The following CTIF variants were observed in gnomAD, a reference collection of about 807,000 sequenced individuals.
The protein encoded by CTIF is cap binding complex dependent translation initiation factor, also known as CBP80/20-dependent translation initiation factor.
Under a neutral mutation model 66.0 loss-of-function variants are expected in CTIF, and 21 were observed. The ratio of observed to expected loss-of-function variants is 0.32; its 90% CI spans 0.23 to 0.46. The LOEUF is 0.46. CTIF is among the 20% of genes least tolerant of loss of function. The probability of loss-of-function intolerance (pLI) is 1.00; values close to 1 mark genes in which losing one functional copy is unlikely to be tolerated. For missense variants in CTIF, 739 were observed against 812.7 expected, an observed-to-expected ratio of 0.91 and a Z score of 1.10; for synonymous variants, 345 against 326.4, an observed-to-expected ratio of 1.06 and a Z score of -0.62.
At chr18:48,735,685 C>G (rs2092495127) in intron 7 of CTIF, among the ~76,000 whole-genome samples, 1 of 152,152 alleles carries the variant, frequency 6.6e-6, no homozygotes, top group Non-Finnish European at 1.5e-5. Context: ...CAGTTCCTAC[C>G]CATTTAGTTG....
At chr18:48,558,028 T>C (rs2089063106) in intron 1 of CTIF, among the ~76,000 whole-genome samples, 1 of 152,256 alleles carries the variant, frequency 6.6e-6, no homozygotes, top group Non-Finnish European at 1.5e-5. Context: ...AACACTTCTC[T>C]ATTCAGTAGA....
intron 9 of CTIF, among the ~76,000 whole-genome samples, chr18:48,768,643 C>T (rs560875708): frequency 7.2e-5 from 11 of 152,208 alleles, no homozygotes; most frequent in Non-Finnish European, 5.9e-5. Flanking sequence ...GGAGCAATGG[C>T]TCATGCCTGT....
chr18:48,859,364 G>A lies in CTIF; in HGVS notation c.1602G>A (p.Leu534=). ...TGCAGCTGCAGAGTACAGGCCGGCTGCTGGAGGAACAGCTGCCTGAGATGA... is the reference window on the plus strand; with the variant it reads ...TGCAGCTGCAGAGTACAGGCCGGCTACTGGAGGAACAGCTGCCTGAGATGA... ...CSMELQSTGR[L]LEEQLPEMMT... is the part of the protein sequence containing the mutation. The change falls in exon 12 of 12, where the codon CTG becomes CTA. Residue 534 remains leucine, a synonymous_variant. Transcript: ENST00000256413. 6.2e-7 allele frequency: 1 copy of A among 1,614,082 alleles called. No individual in the cohort carries two copies. The highest frequency in any genetic ancestry group is 8.5e-7 in the Non-Finnish European group (1 of 1,180,026).
chr18:48,578,667 A>G (rs974770555), intron 1 of CTIF, among the ~76,000 whole-genome samples: 5 of 152,212 alleles, frequency 3.3e-5, no homozygotes, highest in African/African-American at 4.8e-5. Context: ...ATGTCTATCA[A>G]TTGTTTGCCC....
chr18:48,781,657 C>T (rs1911237726), intron 9 of CTIF, among the ~76,000 whole-genome samples: 1 of 152,060 alleles, frequency 6.6e-6, no homozygotes, highest in Non-Finnish European at 1.5e-5. Flanking sequence ...AGACACGTGG[C>T]CCTCCCCTCT....
intron 1 of CTIF, among the ~76,000 whole-genome samples, chr18:48,594,846 G>C (rs1414971205): frequency 6.6e-6 from 1 of 152,200 alleles, no homozygotes; most frequent in Non-Finnish European, 1.5e-5. Context: ...GTTCAGTCAG[G>C]CTGCAGCATG....
intron 9 of CTIF, among the ~76,000 whole-genome samples, chr18:48,777,944 G>A (rs1910845492): frequency 6.6e-6 from 1 of 152,196 alleles, no homozygotes; most frequent in Non-Finnish European, 1.5e-5. Context: ...GCCTGGACCC[G>A]GAAACAGGCA....
chr18:48,764,760 C>T (rs1909357095), intron 9 of CTIF, among the ~76,000 whole-genome samples: 1 of 152,232 alleles, frequency 6.6e-6, no homozygotes, highest in South Asian at 2.1e-4. Flanking sequence ...CCACCACTCA[C>T]CCCTGTTTAC....
At chr18:48,648,479 A>ACACACACACG (rs2091093778) in intron 3 of CTIF, among the ~76,000 whole-genome samples, 1 of 150,754 alleles carries the variant, frequency 6.6e-6, no homozygotes, top group Non-Finnish European at 1.5e-5. Context: ...ACACACACAC[A>ACACACACACG]CACACACACG....
chr18:48,609,352 G>A (rs1289076284), intron 1 of CTIF, among the ~76,000 whole-genome samples: 2 of 152,212 alleles, frequency 1.3e-5, no homozygotes, highest in Non-Finnish European at 2.9e-5. Context: ...AGGGAAAAGG[G>A]GAGATTTGGA....
chr18:48,578,481 A>T (rs1232573973), intron 1 of CTIF, among the ~76,000 whole-genome samples: 2 of 152,172 alleles, frequency 1.3e-5, no homozygotes, highest in Non-Finnish European at 2.9e-5. Context: ...ATCCTCACCA[A>T]CACTTGTTAT....
chr18:48,754,721 C>T (rs529740108), intron 7 of CTIF, among the ~76,000 whole-genome samples: 18 of 152,388 alleles, frequency 1.2e-4, no homozygotes, highest in Non-Finnish European at 2.1e-4. Context: ...AAGGAGCCGC[C>T]GCCCAGCAAG....
chr18:48,609,272 C>T (rs770792560), intron 1 of CTIF, among the ~76,000 whole-genome samples: 1 of 152,128 alleles, frequency 6.6e-6, no homozygotes, highest in Non-Finnish European at 1.5e-5. Context: ...TCAGAGATAG[C>T]AGTCGTCATT....
intron 9 of CTIF, among the ~76,000 whole-genome samples, chr18:48,783,779 CG>C (rs1164236898): frequency 6.6e-6 from 1 of 152,162 alleles, no homozygotes; most frequent in African/African-American, 2.4e-5. Flanking sequence ...TCCCGTAGGC[CG>C]GGGGAAACCT....
chr18:48,748,856 C>T (rs78805394), intron 7 of CTIF, among the ~76,000 whole-genome samples: 14,732 of 152,192 alleles, frequency 0.097, 831 homozygotes, highest in Non-Finnish European at 0.12. Flanking sequence ...TGATCAGACA[C>T]CTCCCATGAC....
chr18:48,717,615 A>G (rs962423342), intron 7 of CTIF, among the ~76,000 whole-genome samples: 48 of 152,216 alleles, frequency 3.2e-4, no homozygotes, highest in Middle Eastern at 3.4e-3. Flanking sequence ...ACTCAATTAT[A>G]TACTTTAAAG....
At chr18:48,668,765 C>T (rs755182371) in intron 5 of CTIF, among the ~76,000 whole-genome samples, 1 of 152,156 alleles carries the variant, frequency 6.6e-6, no homozygotes, top group Admixed American at 6.5e-5. Context: ...TCCTGCCCCT[C>T]GCCCAAGACA....
intron 1 of CTIF, among the ~76,000 whole-genome samples, chr18:48,582,628 C>T (rs959234333): frequency 6.6e-6 from 1 of 152,106 alleles, no homozygotes; most frequent in South Asian, 2.1e-4. Context: ...TTCCTGGCTT[C>T]CCTGCTAGCA....
intron 1 of CTIF, among the ~76,000 whole-genome samples, chr18:48,596,701 C>A (rs937476848): frequency 6.6e-6 from 1 of 152,134 alleles, no homozygotes; most frequent in African/African-American, 2.4e-5. Flanking sequence ...TGGTCTCCAT[C>A]TTCTGATCTT....
Sources: gnomAD v4.1 joint callset for allele counts (sites outside exome capture counted in the v4.1 genomes callset) on GRCh38, gnomAD v4.1.1 for gene constraint, MANE v1.5 for transcripts, NCBI Gene and HGNC (gene_info 2026-07-23, HGNC 2026-07-21) for gene names.